The following MPPED2 variants were observed in gnomAD, a reference collection of about 807,000 sequenced individuals.
MPPED2 encodes the protein metallophosphoesterase MPPED2.
MPPED2 carries 5 observed loss-of-function variants against 33.0 expected under a neutral mutation model. The observed-to-expected ratio is 0.15, with a 90% confidence interval of 0.08 to 0.32. MPPED2 has a LOEUF of 0.32. MPPED2 is among the 10% of genes least tolerant of loss of function. The pLI is 1.00. For synonymous variants in MPPED2, 136 were observed against 141.9 expected (o/e 0.96, Z 0.29); for missense variants, 275 against 372.1 (o/e 0.74, Z 2.15).
intron 2 of MPPED2, among the ~76,000 whole-genome samples, chr11:30,556,984 A>G (rs1350213835): frequency 6.6e-6 from 1 of 152,016 alleles, no homozygotes; most frequent in East Asian, 1.9e-4. Context: ...AGAATAAAAA[A>G]AAATCAAAAT....
chr11:30,541,657 A>G (rs1955125534), intron 2 of MPPED2, among the ~76,000 whole-genome samples: 1 of 152,102 alleles, frequency 6.6e-6, no homozygotes, highest in South Asian at 2.1e-4. Context: ...CAGTGGCATA[A>G]TCTCACCTCA....
chr11:30,467,754 A>G (rs1268514596), intron 4 of MPPED2, among the ~76,000 whole-genome samples: 1 of 152,244 alleles, frequency 6.6e-6, no homozygotes, highest in Non-Finnish European at 1.5e-5. Flanking sequence ...ATAGAATAAC[A>G]TTCACACCTG....
chr11:30,534,973 A>G (rs989638800), intron 3 of MPPED2, among the ~76,000 whole-genome samples: 2 of 152,198 alleles, frequency 1.3e-5, no homozygotes, highest in African/African-American at 4.8e-5. Context: ...AAACAGCCAA[A>G]AGTCAAAAAG....
intron 4 of MPPED2, chr11:30,429,111 C>T (rs1457454151): frequency 6.6e-6 from 1 of 152,152 alleles, no homozygotes; most frequent in Non-Finnish European, 1.5e-5. Flanking sequence ...CATGACTTTT[C>T]CAATTTACTT....
chr11:30,498,512 T>C (rs11031117), intron 3 of MPPED2, among the ~76,000 whole-genome samples: 50,252 of 148,464 alleles, frequency 0.34, 8,569 homozygotes, highest in Middle Eastern at 0.45. Context: ...TGAACCACTG[T>C]ACTCCAGCCT....
intron 4 of MPPED2, 146 bp from the exon 5 acceptor site, chr11:30,417,779 G>A: frequency 5.0e-6 from 3 of 601,228 alleles, no homozygotes; most frequent in Admixed American, 2.6e-5. Context: ...ATGCTTTTTT[G>A]TTGACTGCTT....
At chr11:30,399,642 G>T (rs914905391) in intron 6 of MPPED2, among the ~76,000 whole-genome samples, 7 of 152,092 alleles carry the variant, frequency 4.6e-5, no homozygotes, top group African/African-American at 1.4e-4. Context: ...GATTAGAAAG[G>T]TTTCCTTTGT....
chr11:30,502,316 C>A (rs1952608124), intron 3 of MPPED2, among the ~76,000 whole-genome samples: 1 of 152,136 alleles, frequency 6.6e-6, no homozygotes, highest in African/African-American at 2.4e-5. Flanking sequence ...TCTATAGTAA[C>A]CTTTTATCTA....
downstream of MPPED2, among the ~76,000 whole-genome samples, chr11:30,405,522 C>T (rs1443159712): frequency 6.6e-6 from 1 of 152,136 alleles, no homozygotes; most frequent in Non-Finnish European, 1.5e-5. Context: ...TATGAAAGAG[C>T]CTTTTCACCT....
chr11:30,535,276 T>C (rs1954749543), intron 3 of MPPED2, among the ~76,000 whole-genome samples: 1 of 151,866 alleles, frequency 6.6e-6, no homozygotes, highest in African/African-American at 2.4e-5. Context: ...CTCTTTACTA[T>C]ATAATTCTTT....
intron 6 of MPPED2, among the ~76,000 whole-genome samples, chr11:30,399,670 T>C (rs1169581419): frequency 6.6e-6 from 1 of 152,224 alleles, no homozygotes; most frequent in East Asian, 1.9e-4. Flanking sequence ...ACCTCATTCA[T>C]GTAGAGTCTC....
intron 4 of MPPED2, among the ~76,000 whole-genome samples, chr11:30,438,076 G>T (rs1364126039): frequency 6.6e-6 from 1 of 152,098 alleles, no homozygotes; most frequent in Admixed American, 6.5e-5. Context: ...GTTAAAATAC[G>T]CAAAGCACTT....
At chr11:30,468,850 G>A (rs1021941087) in intron 4 of MPPED2, 5 of 152,248 alleles carry the variant, frequency 3.3e-5, no homozygotes, top group Non-Finnish European at 7.3e-5. Flanking sequence ...AGGGACCCTT[G>A]TAATTCACTC....
intron 3 of MPPED2, among the ~76,000 whole-genome samples, chr11:30,501,127 G>A (rs1952540362): frequency 6.6e-6 from 1 of 152,112 alleles, no homozygotes; most frequent in Admixed American, 6.6e-5. Flanking sequence ...AACCTGCACA[G>A]TTTCTGACAC....
intron 6 of MPPED2, among the ~76,000 whole-genome samples, chr11:30,396,279 C>T (rs1947839324): frequency 6.6e-6 from 1 of 152,162 alleles, no homozygotes; most frequent in African/African-American, 2.4e-5. Flanking sequence ...GCCCCACCTG[C>T]ACTGATTTAA....
At chr11:30,414,859 T>C (rs1948272952) in intron 5 of MPPED2, among the ~76,000 whole-genome samples, 1 of 152,182 alleles carries the variant, frequency 6.6e-6, no homozygotes, top group South Asian at 2.1e-4. Flanking sequence ...GAAAGCTAGG[T>C]TGCTCCTGTG....
intron 3 of MPPED2, among the ~76,000 whole-genome samples, chr11:30,514,639 G>A (rs1953421530): frequency 6.6e-6 from 1 of 152,140 alleles, no homozygotes; most frequent in Non-Finnish European, 1.5e-5. Flanking sequence ...ACCAAGCAAA[G>A]CTTTTTGTAT....
chr11:30,543,015 C>T (rs1366317167), intron 2 of MPPED2, among the ~76,000 whole-genome samples: 1 of 152,116 alleles, frequency 6.6e-6, no homozygotes, highest in African/African-American at 2.4e-5. Flanking sequence ...AGTTTTAGTG[C>T]TCTCTATCCA....
At chr11:30,393,413 T>C (rs1347387367) in intron 6 of MPPED2, among the ~76,000 whole-genome samples, 1 of 152,172 alleles carries the variant, frequency 6.6e-6, no homozygotes, top group East Asian at 1.9e-4. Flanking sequence ...AGTTCCATCT[T>C]GGCCTTGGGT....
Sources: allele counts gnomAD v4.1 joint callset (sites outside exome capture counted in the v4.1 genomes callset), GRCh38; gene constraint gnomAD v4.1.1; transcripts MANE v1.5; gene names NCBI Gene and HGNC (gene_info 2026-07-23, HGNC 2026-07-21).